Variants in SH3RF3 observed in about 807,000 individuals in gnomAD.
SH3RF3 encodes the protein E3 ubiquitin-protein ligase SH3RF3.
In SH3RF3, 29 loss-of-function variants were observed where a neutral mutation model predicts 66.3. That is an observed-to-expected ratio of 0.44 (90% CI 0.33 to 0.60). SH3RF3 has a LOEUF of 0.60. SH3RF3 is among the 20% of genes least tolerant of loss of function. The probability of loss-of-function intolerance (pLI) is 0.04; values close to 1 mark genes in which losing one functional copy is unlikely to be tolerated. For synonymous variants in SH3RF3, 583 were observed against 532.0 expected, an observed-to-expected ratio of 1.10 and a Z score of -1.32; for missense variants, 1,194 against 1,190.9, an observed-to-expected ratio of 1.00 and a Z score of -0.04.
intron 1 of SH3RF3, among the ~76,000 whole-genome samples, chr2:109,232,231 A>G (rs1423956278): frequency 6.6e-6 from 1 of 152,230 alleles, no homozygotes; most frequent in Non-Finnish European, 1.5e-5. Context: ...CTACCACCCA[A>G]CAACATAGGA....
At position 109,448,878 on chromosome 2, in the gene SH3RF3, C is replaced by T. The variant is rs987887811; in HGVS notation, c.1829-292C>T. Among the ~76,000 whole-genome samples the T allele has an allele frequency of 6.6e-5, 10 of 152,136 alleles. No homozygotes were observed. The South Asian group carries it at 2.1e-3, about 32-fold the overall frequency. On this transcript the variant is annotated intron_variant, in intron 7 of 9. Coordinates refer to ENST00000309415, the MANE Select transcript of SH3RF3 (RefSeq NM_001099289.3). ...GGACTTCATAGAACTGGGAATGTGC[C>T]CATGTTCATGGCAACCTTGGCAAAG...
At chr2:109,211,885 C>T (rs777487006) in intron 1 of SH3RF3, among the ~76,000 whole-genome samples, 4 of 152,152 alleles carry the variant, frequency 2.6e-5, no homozygotes, top group African/African-American at 4.8e-5. Flanking sequence ...ACAGGTGATC[C>T]GCCCTCCTCG....
intron 1 of SH3RF3, among the ~76,000 whole-genome samples, chr2:109,235,513 A>G (rs1679626298): frequency 1.3e-5 from 2 of 152,360 alleles, no homozygotes; most frequent in Non-Finnish European, 2.9e-5. Flanking sequence ...ACATGGGGCC[A>G]TCTGGTCACC....
intron 6 of SH3RF3, among the ~76,000 whole-genome samples, chr2:109,433,903 C>T (rs1430726485): frequency 6.6e-6 from 1 of 152,240 alleles, no homozygotes; most frequent in Non-Finnish European, 1.5e-5. Context: ...AACCCAGCCA[C>T]CTGGTCAGAG....
In SH3RF3 at chr2:109,475,290, A is replaced by G. The variant is rs188206974; in HGVS notation, c.2149-15315A>G. ...CCACGCCCGGCTTCAGTATTATCTT[A>G]AATCTCCGAGGGCTACAGGACTATT... On this transcript the variant is annotated intron_variant, in intron 8 of 9. Transcript: ENST00000309415. Among the ~76,000 whole-genome samples, 37 of 152,282 alleles carry G rather than the reference A, an allele frequency of 2.4e-4. No individual in the cohort carries two copies. In the East Asian group the frequency reaches 6.4e-3, roughly 26 times the overall value.
intron 1 of SH3RF3, among the ~76,000 whole-genome samples, chr2:109,284,128 C>A (rs552895384): frequency 2.3e-4 from 35 of 152,338 alleles, no homozygotes; most frequent in African/African-American, 7.9e-4. Flanking sequence ...GAACACATCC[C>A]TCAGGTACTC....
chr2:109,192,703 C>T (rs1256079892), intron 1 of SH3RF3, among the ~76,000 whole-genome samples: 1 of 152,216 alleles, frequency 6.6e-6, no homozygotes, highest in Non-Finnish European at 1.5e-5. Context: ...TTTTCAAGGA[C>T]TTAAATTTTA....
chr2:109,466,880 T>A (rs1274139869), intron 8 of SH3RF3, among the ~76,000 whole-genome samples: 1 of 152,186 alleles, frequency 6.6e-6, no homozygotes, highest in Non-Finnish European at 1.5e-5. Context: ...TATGTTTGTG[T>A]GTATATGTGT....
At chr2:109,299,050 T>C (rs1394278474) in intron 1 of SH3RF3, among the ~76,000 whole-genome samples, 1 of 152,180 alleles carries the variant, frequency 6.6e-6, no homozygotes, top group Non-Finnish European at 1.5e-5. Context: ...GGTCACCTGC[T>C]TCAGCCACAC....
intron 1 of SH3RF3, among the ~76,000 whole-genome samples, chr2:109,170,213 CTCTT>C (rs1239399237): frequency 5.8e-4 from 88 of 151,618 alleles, no homozygotes; most frequent in African/African-American, 1.8e-3. Flanking sequence ...TTCTTTCTCT[CTCTT>C]TTTTCTCTTC....
intron 1 of SH3RF3, among the ~76,000 whole-genome samples, chr2:109,203,646 C>T (rs1678739086): frequency 6.6e-6 from 1 of 152,078 alleles, no homozygotes; most frequent in African/African-American, 2.4e-5. Context: ...CTCTGTGCAC[C>T]CCATGTGAGT....
intron 1 of SH3RF3, among the ~76,000 whole-genome samples, chr2:109,238,441 A>G (rs1047393689): frequency 2.2e-5 from 3 of 138,074 alleles, no homozygotes; most frequent in Non-Finnish European, 4.7e-5. Flanking sequence ...CTTGTTTGTT[A>G]TGTATATTTG....
chr2:109,388,684 A>C (rs1201319207), intron 3 of SH3RF3, among the ~76,000 whole-genome samples: 1 of 152,244 alleles, frequency 6.6e-6, no homozygotes, highest in East Asian at 1.9e-4. Context: ...TGCCCCCAGC[A>C]CTAAACATTT....
chr2:109,351,377 G>A (rs1682833735), intron 2 of SH3RF3, among the ~76,000 whole-genome samples: 1 of 152,232 alleles, frequency 6.6e-6, no homozygotes, highest in South Asian at 2.1e-4. Flanking sequence ...ACTCTGTGGT[G>A]TGCTGAGAAC....
intron 2 of SH3RF3, among the ~76,000 whole-genome samples, chr2:109,367,063 G>T (rs1559045569): frequency 6.7e-6 from 1 of 149,872 alleles, no homozygotes; most frequent in African/African-American, 2.5e-5. Context: ...AGAGATTCTC[G>T]TGCCTCACCC....
intron 2 of SH3RF3, among the ~76,000 whole-genome samples, chr2:109,351,355 A>C (rs188898948): frequency 1.6e-4 from 25 of 152,320 alleles, no homozygotes; most frequent in Admixed American, 1.6e-3. Context: ...CAGTCTCAGG[A>C]TGCCAGTGTG....
intron 9 of SH3RF3, among the ~76,000 whole-genome samples, chr2:109,496,671 G>A (rs1005579132): frequency 6.6e-6 from 1 of 152,170 alleles, no homozygotes; most frequent in Non-Finnish European, 1.5e-5. Flanking sequence ...TAGGATTTCA[G>A]CGTTCCTTGA....
chr2:109,435,874 G>A (rs978701806), intron 6 of SH3RF3, among the ~76,000 whole-genome samples: 3 of 152,310 alleles, frequency 2.0e-5, no homozygotes, highest in South Asian at 2.1e-4. Context: ...CTTGATTGCT[G>A]GGTGAAGTTC....
chr2:109,458,990 T>C (rs1297250207), intron 8 of SH3RF3, among the ~76,000 whole-genome samples: 1 of 152,156 alleles, frequency 6.6e-6, no homozygotes, highest in Non-Finnish European at 1.5e-5. Context: ...TATACTTAGT[T>C]TCCACATAAA....
Sources: allele counts gnomAD v4.1 joint callset (sites outside exome capture counted in the v4.1 genomes callset), GRCh38; gene constraint gnomAD v4.1.1; transcripts MANE v1.5; gene names NCBI Gene and HGNC (gene_info 2026-07-23, HGNC 2026-07-21).